The following EXT2 variants were observed in gnomAD, a reference collection of about 807,000 sequenced individuals.
EXT2 encodes the protein exostosin-2.
Under a neutral mutation model 81.6 loss-of-function variants are expected in EXT2, and 53 were observed. The ratio of observed to expected loss-of-function variants is 0.65; its 90% CI spans 0.52 to 0.82. The LOEUF is 0.82. Ranked by LOEUF, EXT2 falls within the 40% of genes least tolerant of loss-of-function variation. The pLI, the probability that EXT2 is intolerant of heterozygous loss-of-function variation, is 0.00. For missense variants in EXT2, 774 were observed against 910.2 expected (o/e 0.85, Z 1.93); for synonymous variants, 320 against 340.0 (o/e 0.94, Z 0.65).
chr11:44,239,129 G>A (rs924938866), intron 13 of EXT2, among the ~76,000 whole-genome samples: 4 of 152,134 alleles, frequency 2.6e-5, no homozygotes, highest in Non-Finnish European at 5.9e-5. Flanking sequence ...CCCAAAGGGA[G>A]ATGTACCTGA....
chr11:44,173,319 A>C (rs1288390803), intron 8 of EXT2, among the ~76,000 whole-genome samples: 1 of 152,214 alleles, frequency 6.6e-6, no homozygotes, highest in East Asian at 1.9e-4. Context: ...TACCAAAGGT[A>C]ACATCTCAGA....
chr11:44,238,057 C>T (rs1253214078), intron 13 of EXT2, among the ~76,000 whole-genome samples: 1 of 151,860 alleles, frequency 6.6e-6, no homozygotes, highest in Non-Finnish European at 1.5e-5. Context: ...CCATTGCACT[C>T]CAGCCTGGGC....
At chr11:44,171,314 T>C (rs1955069703) in intron 7 of EXT2, among the ~76,000 whole-genome samples, 1 of 152,226 alleles carries the variant, frequency 6.6e-6, no homozygotes, top group Non-Finnish European at 1.5e-5. Context: ...TAAGACAAAA[T>C]ACTATAAACT....
rs769588215 is a variant in EXT2, at chr11:44,232,500, A to T, written c.1806+4A>T. Reference sequence around the variant, plus strand: ...TGGGGCAGCTTTTTATCACAAGGTAAGGGGGCGCAGTCCTGGCAAGGTGAC... The same window carrying T: ...TGGGGCAGCTTTTTATCACAAGGTATGGGGGCGCAGTCCTGGCAAGGTGAC... On this transcript the variant is annotated splice_donor_region_variant and intron_variant, in intron 11 of 13. Coordinates refer to ENST00000533608, the MANE Select transcript of EXT2 (RefSeq NM_207122.2). The T allele has an allele frequency of 6.2e-7, 1 of 1,613,850 alleles. No homozygotes were observed. The highest frequency in any genetic ancestry group is 1.1e-5 in the South Asian group (1 of 91,046).
chr11:44,150,669 G>A (rs907385327), intron 7 of EXT2, among the ~76,000 whole-genome samples: 1 of 152,166 alleles, frequency 6.6e-6, no homozygotes, highest in Non-Finnish European at 1.5e-5. Flanking sequence ...TTGCCTTACT[G>A]TTGCTGAGAA....
At chr11:44,243,904 G>A (rs947231635) in intron 13 of EXT2, among the ~76,000 whole-genome samples, 5 of 152,022 alleles carry the variant, frequency 3.3e-5, no homozygotes, top group Non-Finnish European at 7.4e-5. Context: ...AGCATCTCCT[G>A]TTCACGTTCT....
intron 10 of EXT2, among the ~76,000 whole-genome samples, chr11:44,223,425 C>T (rs1227463053): frequency 6.6e-6 from 1 of 152,186 alleles, no homozygotes; most frequent in Non-Finnish European, 1.5e-5. Flanking sequence ...ATGGCACATG[C>T]ATACCATGGT....
chr11:44,199,543 A>T (rs1955497805), intron 9 of EXT2, among the ~76,000 whole-genome samples: 3 of 152,112 alleles, frequency 2.0e-5, no homozygotes, highest in Admixed American at 2.0e-4. Context: ...TTTCAGAGAG[A>T]CTCTCAGCCT....
intron 8 of EXT2, among the ~76,000 whole-genome samples, chr11:44,182,669 A>AT (rs909201006): frequency 6.6e-6 from 1 of 151,930 alleles, no homozygotes; most frequent in Non-Finnish European, 1.5e-5. Context: ...GTGTATGTGT[A>AT]TTTTTTCCCC....
At chr11:44,125,036 G>A (rs1414597726) in intron 5 of EXT2, 52 bp downstream of exon 5, 5 of 1,583,098 alleles carry the variant, frequency 3.2e-6, no homozygotes, top group African/African-American at 1.3e-5. Flanking sequence ...TTGCTTACAT[G>A]GGTTAAAATT....
intron 8 of EXT2, among the ~76,000 whole-genome samples, chr11:44,173,304 T>C (rs931535171): frequency 2.6e-5 from 4 of 152,188 alleles, no homozygotes; most frequent in Non-Finnish European, 5.9e-5. Flanking sequence ...TCTCCCCGAC[T>C]CCATTACCAA....
intron 8 of EXT2, among the ~76,000 whole-genome samples, chr11:44,175,757 G>A (rs1446527450): frequency 6.6e-6 from 1 of 152,140 alleles, no homozygotes; most frequent in Non-Finnish European, 1.5e-5. Flanking sequence ...ATTCAGACAG[G>A]AAGATCTTGA....
intron 1 of EXT2, among the ~76,000 whole-genome samples, chr11:44,096,842 C>A (rs1218265608): frequency 6.6e-6 from 1 of 152,198 alleles, no homozygotes; most frequent in East Asian, 1.9e-4. Context: ...CATTTAAATT[C>A]TTGTAAGTCT....
intron 9 of EXT2, among the ~76,000 whole-genome samples, chr11:44,205,454 G>A (rs917440631): frequency 2.0e-5 from 3 of 152,206 alleles, no homozygotes; most frequent in Non-Finnish European, 4.4e-5. Flanking sequence ...GGCCTATAGG[G>A]TTATTTCTTT....
At chr11:44,237,902 TAAAAAAAAAAA>T (rs374084527) in intron 13 of EXT2, among the ~76,000 whole-genome samples, 7 of 56,386 alleles carry the variant, frequency 1.2e-4, no homozygotes, top group South Asian at 6.9e-4. Flanking sequence ...CGTCTCTACT[TAAAAAAAAAAA>T]AAAAAAAAAA....
chr11:44,184,623 C>T lies in EXT2; in HGVS notation c.1305+12881C>T, dbSNP rs112654538. On this transcript the variant is annotated intron_variant, in intron 8 of 13. Transcript: ENST00000533608. ...GAAATTAGCTGGGCGTGGTGGCGGG[C>T]GCCTGTGGTCCTAGCTACTCGGGAG... is the stretch of plus-strand genomic sequence containing the variant. 3.0e-3 allele frequency among the ~76,000 whole-genome samples: 464 copies of T among 152,152 alleles called. 4 individuals are homozygous for T. Among genetic ancestry groups the T allele is most frequent in the Non-Finnish European group, 4.9e-3 (332 of 67,998 alleles).
intron 8 of EXT2, among the ~76,000 whole-genome samples, chr11:44,195,176 T>TTGGGA (rs964171848): frequency 2.0e-5 from 3 of 152,194 alleles, no homozygotes; most frequent in Non-Finnish European, 4.4e-5. Context: ...GGCTCACACC[T>TTGGGA]GTAATCCCAG....
At chr11:44,172,559 C>T (rs1378217584) in intron 8 of EXT2, among the ~76,000 whole-genome samples, 5 of 151,384 alleles carry the variant, frequency 3.3e-5, no homozygotes, top group Non-Finnish European at 7.4e-5. Context: ...TCTCAGCCCT[C>T]CTTGTCTCCT....
At chr11:44,233,827 AC>A (rs1955926823) in intron 11 of EXT2, among the ~76,000 whole-genome samples, 1 of 152,088 alleles carries the variant, frequency 6.6e-6, no homozygotes, top group Admixed American at 6.5e-5. Context: ...ATTTTTTTTG[AC>A]CCAATAATTT....
Sources: allele counts gnomAD v4.1 joint callset (sites outside exome capture counted in the v4.1 genomes callset), GRCh38; gene constraint gnomAD v4.1.1; transcripts MANE v1.5; gene names NCBI Gene and HGNC (gene_info 2026-07-23, HGNC 2026-07-21).